ATXN2: variants seen among roughly 807,000 people sequenced by gnomAD.
ATXN2 encodes ataxin 2, also known as ataxin-2.
In ATXN2, 37 loss-of-function variants were observed where a neutral mutation model predicts 138.6. That is an observed-to-expected ratio of 0.27 (90% CI 0.21 to 0.35). The LOEUF is 0.35. Among genes scored for constraint, ATXN2 ranks in the 10% least tolerant of loss-of-function variants. The pLI is 1.00. For synonymous variants in ATXN2, 549 were observed against 543.7 expected, an observed-to-expected ratio of 1.01 and a Z score of -0.13; for missense variants, 1,216 against 1,480.3, an observed-to-expected ratio of 0.82 and a Z score of 2.93.
At chr12:111,532,665 T>A (rs1489428290) in intron 5 of ATXN2, among the ~76,000 whole-genome samples, 1 of 152,044 alleles carries the variant, frequency 6.6e-6, no homozygotes, top group East Asian at 1.9e-4. Context: ...AAGATGTAAA[T>A]TTCTCTTCAT....
chr12:111,595,787 G>T (rs1366021594), intron 1 of ATXN2, among the ~76,000 whole-genome samples: 1 of 151,960 alleles, frequency 6.6e-6, no homozygotes, highest in Non-Finnish European at 1.5e-5. Context: ...TGGGGGCAGT[G>T]GCTCATTCCT....
At chr12:111,501,652 G>A (rs972335131) in intron 14 of ATXN2, among the ~76,000 whole-genome samples, 1 of 152,130 alleles carries the variant, frequency 6.6e-6, no homozygotes, top group Non-Finnish European at 1.5e-5. Flanking sequence ...TGTTGACAGG[G>A]TATTTATGTG....
intron 5 of ATXN2, among the ~76,000 whole-genome samples, chr12:111,539,107 G>C (rs1479829629): frequency 1.3e-5 from 2 of 150,150 alleles, no homozygotes; most frequent in African/African-American, 2.4e-5. Flanking sequence ...TCTCCATTAG[G>C]CTTCTGGATC....
At chr12:111,599,559 GA>G (rs1318262052), upstream of ATXN2, 4 of 1,171,392 alleles carry the variant, frequency 3.4e-6, no homozygotes, top group East Asian at 3.8e-5. Flanking sequence ...CGGAGGTGCG[GA>G]TAGGGACTCT....
intron 3 of ATXN2, among the ~76,000 whole-genome samples, chr12:111,553,445 A>C (rs61944388): frequency 0.032 from 4,830 of 151,728 alleles, 136 homozygotes; most frequent in Non-Finnish European, 0.041. Context: ...AACTATCCCT[A>C]AATTACTTGT....
intron 23 of ATXN2, chr12:111,454,652 C>G (rs1874925583): frequency 6.1e-6 from 1 of 163,788 alleles, no homozygotes; most frequent in South Asian, 1.7e-4. Flanking sequence ...CCCTTGTTTC[C>G]TTTTTCCCAC....
chr12:111,510,285 C>T (rs1263216155), intron 12 of ATXN2, 100 bp downstream of exon 12: 5 of 1,296,276 alleles, frequency 3.9e-6, no homozygotes, highest in African/African-American at 3.0e-5. Flanking sequence ...AAATACTTGT[C>T]TATGAATAAA....
chr12:111,561,423 C>A (rs554828902), intron 1 of ATXN2, among the ~76,000 whole-genome samples: 1 of 151,588 alleles, frequency 6.6e-6, no homozygotes, highest in Admixed American at 6.6e-5. Flanking sequence ...CGGCTTGAAC[C>A]CAGGAGGTGG....
At position 111,457,302 on chromosome 12, in the gene ATXN2, T is replaced by C; in HGVS notation, c.2954A>G (p.His985Arg). Residue 985 changes from histidine (H) to arginine (R), a missense_variant, in exon 22 of 25, where the codon CAT becomes CGT. Transcript: ENST00000673436. The part of the protein sequence containing the change: ...YAHPNATLHP[H>R]TPHPQPSATP... Reference sequence around the variant, plus strand: ...AGCTGAAGGCTGAGGGTGTGGAGTATGTGGGTGCAGGGTAGCGTTAGGGTG... The same window carrying C: ...AGCTGAAGGCTGAGGGTGTGGAGTACGTGGGTGCAGGGTAGCGTTAGGGTG... 1 of 1,614,006 alleles carries C rather than the reference T, an allele frequency of 6.2e-7. No individual in the cohort carries two copies. Among genetic ancestry groups the C allele is most frequent in the Non-Finnish European group, 8.5e-7 (1 of 1,179,992 alleles).
At chr12:111,596,061 G>T (rs900356201) in intron 1 of ATXN2, among the ~76,000 whole-genome samples, 4 of 152,156 alleles carry the variant, frequency 2.6e-5, no homozygotes, top group Non-Finnish European at 5.9e-5. Context: ...TTAGCCAGGT[G>T]TGGTAGCACG....
chr12:111,490,590 C>T (rs901687667), intron 14 of ATXN2, among the ~76,000 whole-genome samples: 1 of 152,018 alleles, frequency 6.6e-6, no homozygotes, highest in African/African-American at 2.4e-5. Context: ...AGTGATCATC[C>T]CCAACAAGGA....
At chr12:111,565,057 T>G (rs1053202879) in intron 1 of ATXN2, among the ~76,000 whole-genome samples, 2 of 152,182 alleles carry the variant, frequency 1.3e-5, no homozygotes, top group Non-Finnish European at 2.9e-5. Flanking sequence ...TGGATAGCAT[T>G]AAATTATTTT....
At chr12:111,529,370 T>C (rs956726567) in intron 5 of ATXN2, among the ~76,000 whole-genome samples, 3 of 152,228 alleles carry the variant, frequency 2.0e-5, no homozygotes, top group African/African-American at 7.2e-5. Flanking sequence ...GTGTTACCTG[T>C]TTCTGAAGGA....
chr12:111,526,271 G>A (rs538388918), intron 5 of ATXN2, among the ~76,000 whole-genome samples: 7 of 151,508 alleles, frequency 4.6e-5, no homozygotes, highest in African/African-American at 7.3e-5. Flanking sequence ...AAGGAGAATC[G>A]TTTGAACCCG....
intron 5 of ATXN2, among the ~76,000 whole-genome samples, chr12:111,533,729 G>C (rs991092906): frequency 6.6e-6 from 1 of 152,108 alleles, no homozygotes; most frequent in East Asian, 1.9e-4. Flanking sequence ...GTTTTGCCAT[G>C]TTGGCCAGGC....
intron 3 of ATXN2, 83 bp downstream of exon 3, chr12:111,554,075 A>C (rs1592895334): frequency 1.1e-6 from 1 of 932,096 alleles, no homozygotes; most frequent in East Asian, 2.8e-5. Context: ...TTACTTTGAC[A>C]ATCATTTATC....
At chr12:111,566,006 A>G (rs1882981749) in intron 1 of ATXN2, among the ~76,000 whole-genome samples, 1 of 152,086 alleles carries the variant, frequency 6.6e-6, no homozygotes. Context: ...AAAAAAAAAA[A>G]AAAAATTACT....
At position 111,453,639 on chromosome 12, in the gene ATXN2, TG is replaced by T; in HGVS notation, c.3439+37del. ...TTCCACCTGTGCGAGCAGAATGCTT[TG>T]GGGTGCCCCGGCGGCCCCTGCACAC... is the stretch of plus-strand genomic sequence containing the variant. On this transcript the variant is annotated intron_variant, in intron 24 of 24. Transcript: ENST00000673436. This position sits in a 1 kb window ranked among gnomAD's most constrained non-coding sequence, Gnocchi z 5.4. 6.6e-7 allele frequency: 1 copy of T among 1,506,112 alleles called. No individual in the cohort carries two copies. 93.3% of individuals were successfully genotyped at this position (1,506,112 alleles called of 1,614,324 possible).
intron 1 of ATXN2, among the ~76,000 whole-genome samples, chr12:111,570,600 C>A (rs1447166497): frequency 6.6e-6 from 1 of 152,160 alleles, no homozygotes; most frequent in Non-Finnish European, 1.5e-5. Context: ...AGCACAAACT[C>A]TTCCCGCCTG....
Sources: gnomAD v4.1 joint callset for allele counts (sites outside exome capture counted in the v4.1 genomes callset) on GRCh38, gnomAD v4.1.1 for gene constraint, Gnocchi (gnomAD v3.1) non-coding constraint, MANE v1.5 for transcripts, NCBI Gene and HGNC (gene_info 2026-07-23, HGNC 2026-07-21) for gene names.